Variants in SLC4A10 observed in about 807,000 individuals in gnomAD.
SLC4A10 encodes sodium-driven chloride bicarbonate exchanger.
SLC4A10 carries 42 observed loss-of-function variants against 137.7 expected under a neutral mutation model. The observed-to-expected ratio is 0.30, with a 90% CI of 0.24 to 0.39. The LOEUF is 0.39. Among genes scored for constraint, SLC4A10 ranks in the 10% least tolerant of loss-of-function variants. The pLI, the probability that SLC4A10 is intolerant of heterozygous loss-of-function variation, is 1.00. For missense variants in SLC4A10, 925 were observed against 1,355.0 expected, an observed-to-expected ratio of 0.68 and a Z score of 4.98; for synonymous variants, 474 against 464.1, an observed-to-expected ratio of 1.02 and a Z score of -0.27.
intron 1 of SLC4A10, among the ~76,000 whole-genome samples, chr2:161,631,962 T>A (rs1160138104): frequency 6.6e-6 from 1 of 151,762 alleles, no homozygotes; most frequent in African/African-American, 2.4e-5. Flanking sequence ...TGCTCATTCA[T>A]CATGAAAATT....
intron 2 of SLC4A10, among the ~76,000 whole-genome samples, chr2:161,794,735 C>A (rs932374629): frequency 2.6e-5 from 4 of 152,180 alleles, no homozygotes; most frequent in Admixed American, 1.3e-4. Flanking sequence ...CTCCCTTACC[C>A]TCCTGCCTCC....
chr2:161,865,228 T>C (rs1023672644), intron 6 of SLC4A10, among the ~76,000 whole-genome samples: 6 of 152,088 alleles, frequency 3.9e-5, no homozygotes, highest in Non-Finnish European at 7.4e-5. Flanking sequence ...AATATGCAGA[T>C]CTAGGCACAC....
At chr2:161,696,840 C>T (rs1163466142) in intron 1 of SLC4A10, among the ~76,000 whole-genome samples, 2 of 152,184 alleles carry the variant, frequency 1.3e-5, no homozygotes, top group Non-Finnish European at 2.9e-5. Flanking sequence ...ATTGCTGGAT[C>T]AAATGGTATT....
intron 4 of SLC4A10, among the ~76,000 whole-genome samples, chr2:161,854,473 C>A (rs2059993119): frequency 6.6e-6 from 1 of 152,142 alleles, no homozygotes; most frequent in Non-Finnish European, 1.5e-5. Context: ...TCCAAGCAAG[C>A]CTAACAAGGA....
At chr2:161,980,747 T>G (rs1034193656) in intron 26 of SLC4A10, among the ~76,000 whole-genome samples, 1 of 152,216 alleles carries the variant, frequency 6.6e-6, no homozygotes, top group African/African-American at 2.4e-5. Flanking sequence ...CCTCTTGAAA[T>G]ATTACTTCCT....
intron 1 of SLC4A10, among the ~76,000 whole-genome samples, chr2:161,677,252 T>G (rs2040368654): frequency 6.6e-6 from 1 of 152,118 alleles, no homozygotes; most frequent in Non-Finnish European, 1.5e-5. Context: ...CCCCTTGCCT[T>G]CCACCACAAG....
intron 2 of SLC4A10, among the ~76,000 whole-genome samples, chr2:161,804,034 C>T (rs909013027): frequency 1.3e-5 from 2 of 151,930 alleles, no homozygotes; most frequent in African/African-American, 2.4e-5. Context: ...TAGACCTTAG[C>T]GAAACCTGTT....
rs374564423 is a variant in SLC4A10 at position 161,708,631 on chromosome 2, T to A, written c.49-62342T>A. ...GATAAATAGTATATGTGATTTGATA[T>A]CTTGATGATGGCTTAAACAGATACT... On this transcript the variant is annotated intron_variant, in intron 1 of 26. Coordinates refer to ENST00000446997, the MANE Select transcript of SLC4A10 (RefSeq NM_001178015.2). 2.1e-6 allele frequency: 3 copies of A among 1,433,496 alleles called. No homozygotes were observed. In the African/African-American group the frequency reaches 4.3e-5, roughly 21 times the overall value. The allele number at this position is 1,433,496 out of a possible 1,614,324, so 88.8% of individuals were successfully genotyped here.
chr2:161,766,541 G>T (rs1009025018), intron 1 of SLC4A10, among the ~76,000 whole-genome samples: 1 of 152,082 alleles, frequency 6.6e-6, no homozygotes, highest in Non-Finnish European at 1.5e-5. Context: ...TTTGAACATG[G>T]ATACATGACT....
At chr2:161,672,355 A>G (rs749402756) in intron 1 of SLC4A10, among the ~76,000 whole-genome samples, 2 of 152,194 alleles carry the variant, frequency 1.3e-5, no homozygotes, top group Non-Finnish European at 2.9e-5. Context: ...TTAAAAAAAC[A>G]AAAAAATTTT....
chr2:161,941,365 A>C (rs547057488), intron 15 of SLC4A10, among the ~76,000 whole-genome samples: 93 of 152,286 alleles, frequency 6.1e-4, no homozygotes, highest in African/African-American at 2.1e-3. Context: ...AAGGAGGAAA[A>C]ATGAGACAGG....
chr2:161,651,097 G>A (rs1339819412), intron 1 of SLC4A10: 2 of 152,584 alleles, frequency 1.3e-5, no homozygotes, highest in Non-Finnish European at 2.9e-5. Context: ...TCCCTTCTGA[G>A]CCCATAACCC....
intron 15 of SLC4A10, among the ~76,000 whole-genome samples, chr2:161,933,919 G>C (rs1197603128): frequency 1.3e-5 from 2 of 152,106 alleles, no homozygotes; most frequent in Non-Finnish European, 2.9e-5. Flanking sequence ...CCATATGGCT[G>C]TACTAATTTA....
chr2:161,957,950 T>G (rs1695958394), intron 20 of SLC4A10, among the ~76,000 whole-genome samples: 1 of 152,142 alleles, frequency 6.6e-6, no homozygotes, highest in Non-Finnish European at 1.5e-5. Flanking sequence ...CACAAGTACC[T>G]TTGCAAGAAT....
chr2:161,825,278 C>A (rs775999002), intron 3 of SLC4A10, among the ~76,000 whole-genome samples: 17 of 151,982 alleles, frequency 1.1e-4, no homozygotes, highest in Non-Finnish European at 2.5e-4. Flanking sequence ...TCTTTTCTAC[C>A]TTGAACATCT....
intron 9 of SLC4A10, among the ~76,000 whole-genome samples, chr2:161,881,643 A>G (rs904778753): frequency 6.6e-6 from 1 of 152,064 alleles, no homozygotes; most frequent in Non-Finnish European, 1.5e-5. Context: ...AAAATTTCCC[A>G]GAAGGATTGA....
chr2:161,924,688 C>T (rs1688746667), intron 15 of SLC4A10, among the ~76,000 whole-genome samples: 1 of 152,140 alleles, frequency 6.6e-6, no homozygotes, highest in South Asian at 2.1e-4. Flanking sequence ...GTAGACTCAA[C>T]TCTTCAAAAA....
chr2:161,713,812 C>T (rs976778326), intron 1 of SLC4A10, among the ~76,000 whole-genome samples: 4 of 151,744 alleles, frequency 2.6e-5, no homozygotes, highest in Non-Finnish European at 1.5e-5. Context: ...CTTTTAATAT[C>T]GCCTTCTTCT....
intron 1 of SLC4A10, among the ~76,000 whole-genome samples, chr2:161,634,898 C>T (rs376990532): frequency 6.6e-6 from 1 of 151,996 alleles, no homozygotes; most frequent in Admixed American, 6.6e-5. Flanking sequence ...AACCACTATT[C>T]TATTCTCTAC....
Sources: allele counts gnomAD v4.1 joint callset (sites outside exome capture counted in the v4.1 genomes callset), GRCh38; gene constraint gnomAD v4.1.1; transcripts MANE v1.5; gene names NCBI Gene and HGNC (gene_info 2026-07-23, HGNC 2026-07-21).